The following DLGAP2 variants were observed in gnomAD, a reference collection of about 807,000 sequenced individuals.
DLGAP2 encodes the protein DLG associated protein 2, also known as disks large-associated protein 2.
In DLGAP2, 26 loss-of-function variants were observed where a neutral mutation model predicts 100.3. The observed-to-expected ratio is 0.26, with a 90% CI of 0.19 to 0.36. The LOEUF is 0.36. Among genes scored for constraint, DLGAP2 ranks in the 10% least tolerant of loss-of-function variants. The pLI is 1.00. For synonymous variants in DLGAP2, 886 were observed against 630.1 expected, an observed-to-expected ratio of 1.41 and a Z score of -6.08; for missense variants, 1,858 against 1,453.2, an observed-to-expected ratio of 1.28 and a Z score of -4.53.
At chr8:777,758 A>T (rs1821565493) in intron 1 of DLGAP2, among the ~76,000 whole-genome samples, 2 of 151,938 alleles carry the variant, frequency 1.3e-5, no homozygotes, top group Non-Finnish European at 2.9e-5. Context: ...GGGTAACCCG[A>T]CCTTTCTCTC....
intron 2 of DLGAP2, among the ~76,000 whole-genome samples, chr8:1,244,049 T>G (rs887905325): frequency 6.6e-6 from 1 of 152,004 alleles, no homozygotes; most frequent in Non-Finnish European, 1.5e-5. Context: ...GCTCCCAGCC[T>G]CCGCACTCCA....
intron 3 of DLGAP2, among the ~76,000 whole-genome samples, chr8:1,486,216 C>G (rs546079677): frequency 6.6e-6 from 1 of 152,100 alleles, no homozygotes; most frequent in Non-Finnish European, 1.5e-5. Flanking sequence ...ATTACTTGCC[C>G]CAGATCATAA....
chr8:1,026,554 C>G (rs1404172873), intron 2 of DLGAP2, among the ~76,000 whole-genome samples: 1 of 152,140 alleles, frequency 6.6e-6, no homozygotes, highest in South Asian at 2.1e-4. Flanking sequence ...TGCAGGTTGT[C>G]TTATATTGAG....
chr8:1,544,893 C>T (rs1362274303), intron 4 of DLGAP2, among the ~76,000 whole-genome samples: 2 of 151,928 alleles, frequency 1.3e-5, no homozygotes, highest in African/African-American at 4.8e-5. Flanking sequence ...CCACCATGCC[C>T]AGCTTATGTT....
chr8:1,605,192 G>A (rs932398825), intron 6 of DLGAP2, among the ~76,000 whole-genome samples: 6 of 152,110 alleles, frequency 3.9e-5, no homozygotes, highest in Admixed American at 2.0e-4. Context: ...AGGTTCATAC[G>A]GTGAGGATGC....
rs1016697801 is a variant in DLGAP2 at position 852,594 on chromosome 8, C to G, written c.19-55318C>G. ...AATGAGCAAATCAACATCTCTCAGC[C>G]TCGTGGGCTTTTGTATAAATTGCGG... On this transcript the variant is annotated intron_variant, in intron 1 of 14. Transcript: ENST00000637795. Among the ~76,000 whole-genome samples, 7 of 152,300 alleles carry G rather than the reference C, an allele frequency of 4.6e-5. No individual in the cohort carries two copies. In the East Asian group the frequency reaches 7.7e-4, roughly 17 times the overall value.
chr8:1,519,999 C>G (rs1393967251), intron 4 of DLGAP2, among the ~76,000 whole-genome samples: 1 of 152,210 alleles, frequency 6.6e-6, no homozygotes, highest in African/African-American at 2.4e-5. Flanking sequence ...AGCTGCTTCG[C>G]AGGAGCAGGA....
At chr8:1,338,339 C>G (rs1291748920) in intron 3 of DLGAP2, among the ~76,000 whole-genome samples, 2 of 152,192 alleles carry the variant, frequency 1.3e-5, no homozygotes, top group Non-Finnish European at 2.9e-5. Flanking sequence ...TATGATGGAG[C>G]CCACACCACA....
chr8:1,666,127 G>A (rs1798538436), intron 8 of DLGAP2, among the ~76,000 whole-genome samples: 1 of 152,212 alleles, frequency 6.6e-6, no homozygotes, highest in South Asian at 2.1e-4. Flanking sequence ...TGGCCTTTGG[G>A]ATGGAGAAGT....
intron 2 of DLGAP2, among the ~76,000 whole-genome samples, chr8:1,149,390 G>A (rs1198231597): frequency 1.3e-5 from 2 of 151,950 alleles, no homozygotes; most frequent in African/African-American, 2.4e-5. Context: ...CTCGTGATCC[G>A]CTCACCTCGG....
intron 2 of DLGAP2, among the ~76,000 whole-genome samples, chr8:1,001,330 G>A (rs1800949712): frequency 6.6e-6 from 1 of 152,106 alleles, no homozygotes; most frequent in Non-Finnish European, 1.5e-5. Flanking sequence ...AGCAGTTTTT[G>A]AACAAAAACA....
At chr8:1,260,466 G>T (rs189114841) in intron 3 of DLGAP2, among the ~76,000 whole-genome samples, 1 of 152,172 alleles carries the variant, frequency 6.6e-6, no homozygotes, top group Non-Finnish European at 1.5e-5. Context: ...GTGTTTTGTT[G>T]TCACATGCCA....
chr8:1,180,474 A>G (rs1180905300), intron 2 of DLGAP2, among the ~76,000 whole-genome samples: 1 of 152,254 alleles, frequency 6.6e-6, no homozygotes, highest in Non-Finnish European at 1.5e-5. Flanking sequence ...GATCTCAGGC[A>G]GGAGCCACCG....
intron 3 of DLGAP2, chr8:1,301,439 T>C: frequency 7.1e-6 from 1 of 141,818 alleles, no homozygotes; most frequent in Non-Finnish European, 1.5e-5. Context: ...CTCTCCAACC[T>C]CCACTTTTTT....
intron 2 of DLGAP2, among the ~76,000 whole-genome samples, chr8:1,041,511 A>AAGTGTTCTCTGAGCCCCTTGCCGTGGGTG (rs1802345956): frequency 1.3e-5 from 2 of 151,918 alleles, no homozygotes; most frequent in African/African-American, 4.8e-5. Flanking sequence ...TTTCTGAGAA[A>AAGTGTTCTCTGAGCCCCTTGCCGTGGGTG]AGTGTTCTCT....
At chr8:769,944 C>G (rs913916647) in intron 1 of DLGAP2, among the ~76,000 whole-genome samples, 1 of 149,030 alleles carries the variant, frequency 6.7e-6, no homozygotes, top group Non-Finnish European at 1.5e-5. Context: ...ATGCCGACCC[C>G]AGAGTCACTT....
rs138189701 is a variant in DLGAP2, at chr8:1,092,069, C to T, written c.74-166782C>T. Reference sequence around the variant, plus strand: ...ACTGCACTCCAGCCGTGCAGCCTCTCCTGCGTGTCTCCTCTCCATGTTTTG... The same window carrying T: ...ACTGCACTCCAGCCGTGCAGCCTCTTCTGCGTGTCTCCTCTCCATGTTTTG... On this transcript the variant is annotated intron_variant, in intron 2 of 14. Coordinates refer to ENST00000637795, the MANE Select transcript of DLGAP2 (RefSeq NM_001346810.2). 5.4e-4 allele frequency among the ~76,000 whole-genome samples: 82 copies of T among 152,294 alleles called. 1 individual carries two copies. Among genetic ancestry groups the T allele is most frequent in the African/African-American group, 1.9e-3 (77 of 41,556 alleles).
rs1799727113 is a variant in DLGAP2, at chr8:1,707,028, T to G, written c.*5622T>G. Reference sequence around the variant, plus strand: ...TTATTTCAAGTTTCAATGTAAACACTTAACAGATGACTTCTTTGCAGAAGA... The same window carrying G: ...TTATTTCAAGTTTCAATGTAAACACGTAACAGATGACTTCTTTGCAGAAGA... On this transcript the variant is annotated 3_prime_UTR_variant, in exon 15 of 15. Coordinates refer to ENST00000637795, the MANE Select transcript of DLGAP2 (RefSeq NM_001346810.2). The G allele has an allele frequency of 6.6e-6, 1 of 152,516 alleles. No individual in the cohort carries two copies. The highest frequency in any genetic ancestry group is 2.1e-4 in the South Asian group (1 of 4,794). The allele number at this position is 152,516 out of a possible 1,614,324, so 9.4% of individuals were successfully genotyped here. A position where few individuals can be genotyped will look rare whatever the true frequency, so the allele number is the denominator to read the frequency against.
intron 2 of DLGAP2, among the ~76,000 whole-genome samples, chr8:1,060,894 A>G (rs1562925): frequency 0.29 from 44,099 of 152,142 alleles, 6,862 homozygotes; most frequent in Middle Eastern, 0.36. Flanking sequence ...CCTCACAGTC[A>G]AGGGATCTTA....
Sources: gnomAD v4.1 joint callset for allele counts (sites outside exome capture counted in the v4.1 genomes callset) on GRCh38, gnomAD v4.1.1 for gene constraint, MANE v1.5 for transcripts, NCBI Gene and HGNC (gene_info 2026-07-23, HGNC 2026-07-21) for gene names.